Variants in CCDC50 observed in about 807,000 individuals in gnomAD.
CCDC50 encodes coiled-coil domain containing 50, also known as coiled-coil domain-containing protein 50.
CCDC50 carries 54 observed loss-of-function variants against 70.2 expected under a neutral mutation model. The observed-to-expected ratio is 0.77, with a 90% CI of 0.62 to 0.96. The LOEUF (loss-of-function observed/expected upper bound fraction) is 0.96, where lower values mean the gene tolerates loss of function less well. CCDC50 is among the 50% of genes least tolerant of loss of function. The probability of loss-of-function intolerance (pLI) is 0.00; values close to 1 mark genes in which losing one functional copy is unlikely to be tolerated. For missense variants in CCDC50, 558 were observed against 578.7 expected, an observed-to-expected ratio of 0.96 and a Z score of 0.37; for synonymous variants, 216 against 198.8, an observed-to-expected ratio of 1.09 and a Z score of -0.73.
chr3:191,386,216 ATT>A (rs76983981), intron 10 of CCDC50, among the ~76,000 whole-genome samples: 1 of 125,736 alleles, frequency 8.0e-6, no homozygotes, highest in Non-Finnish European at 1.6e-5. Context: ...TAGTATGGGC[ATT>A]TTTTTTTTTT....
At position 191,376,694 on chromosome 3, in the gene CCDC50, G is replaced by T. The variant is rs552011835; in HGVS notation, c.976+1105G>T. ...ATCCTTGTCTTAGGCTTTGTGCTTG[G>T]ATTTCAGCCAGAAAGATGGCTTTGT... On this transcript the variant is annotated intron_variant, in intron 6 of 11. Transcript: ENST00000392455. Among the ~76,000 whole-genome samples the T allele has an allele frequency of 4.6e-5, 7 of 152,254 alleles. No individual in the cohort carries two copies. In the East Asian group the frequency reaches 1.3e-3, roughly 29 times the overall value.
intron 1 of CCDC50, among the ~76,000 whole-genome samples, chr3:191,338,179 C>G (rs1250409185): frequency 6.6e-6 from 1 of 152,158 alleles, no homozygotes; most frequent in African/African-American, 2.4e-5. Flanking sequence ...GCAACAAATT[C>G]TGTTTTGTTT....
intron 1 of CCDC50, among the ~76,000 whole-genome samples, chr3:191,346,402 C>T (rs1465789812): frequency 1.3e-5 from 2 of 152,088 alleles, no homozygotes; most frequent in Non-Finnish European, 2.9e-5. Context: ...GATGTTTATT[C>T]TTTCTGGTAC....
Position 191,361,059 on chromosome 3 carries a change from T to C in CCDC50, c.240-10T>C. The stretch of plus-strand genomic sequence containing the variant: ...TTTTCCTTATTCATGTTTTCACCTT[T>C]GCTTTTTAGTGAACAACAAGACTGT... On this transcript the variant is annotated splice_polypyrimidine_tract_variant and intron_variant, in intron 3 of 11. Transcript: ENST00000392455. 2 of 1,602,106 alleles carry C rather than the reference T, an allele frequency of 1.2e-6. No homozygotes were observed. Among genetic ancestry groups the C allele is most frequent in the Non-Finnish European group, 1.7e-6 (2 of 1,169,134 alleles).
At chr3:191,361,244 A>C in intron 4 of CCDC50, 85 bp downstream of exon 4, 6 of 926,232 alleles carry the variant, frequency 6.5e-6, no homozygotes, top group Non-Finnish European at 1.1e-5. Context: ...TCACGGGCTC[A>C]ATGAAGGGTT....
intron 10 of CCDC50, among the ~76,000 whole-genome samples, chr3:191,385,691 TA>T (rs372678084): frequency 0.42 from 63,649 of 151,510 alleles, 14,987 homozygotes; most frequent in Non-Finnish European, 0.53. Context: ...TATATTTGTT[TA>T]TTTGTTTTGG....
chr3:191,393,094 C>T lies in CCDC50; in HGVS notation c.*1334C>T, dbSNP rs1301614646. The T allele has an allele frequency of 6.6e-6, 1 of 152,146 alleles. No homozygotes were observed. Among genetic ancestry groups the T allele is most frequent in the Admixed American group, 6.5e-5 (1 of 15,276 alleles). The allele number at this position is 152,146 out of a possible 1,614,324, so 9.4% of individuals were successfully genotyped here. A position where few individuals can be genotyped will look rare whatever the true frequency, so the allele number is the denominator to read the frequency against. On this transcript the variant is annotated 3_prime_UTR_variant, in exon 12 of 12. Transcript: ENST00000392455. ...CCTTTGTGCAAGGGATTGTATTCCTCTGTACAAGACCTTTAAGCACCTCTT... is the reference window on the plus strand; with the variant it reads ...CCTTTGTGCAAGGGATTGTATTCCTTTGTACAAGACCTTTAAGCACCTCTT...
At chr3:191,355,217 T>C (rs543734339) in intron 1 of CCDC50, among the ~76,000 whole-genome samples, 3 of 152,216 alleles carry the variant, frequency 2.0e-5, no homozygotes, top group Non-Finnish European at 2.9e-5. Context: ...TGACTTTTAA[T>C]ATATAAGCAC....
Position 191,351,754 on chromosome 3 carries a change from A to G in CCDC50, c.50-5334A>G, listed in dbSNP as rs1186896767. ...CTTTGGTACATTTCAGGTAAGTTGT[A>G]TACCAGGAAGCCTATGTAAAAAAAG... is the stretch of plus-strand genomic sequence containing the variant. On this transcript the variant is annotated intron_variant, in intron 1 of 11. Transcript: ENST00000392455. Among the ~76,000 whole-genome samples, 5 of 141,186 alleles carry G rather than the reference A, an allele frequency of 3.5e-5. 2 individuals carry two copies. Among genetic ancestry groups the G allele is most frequent in the Non-Finnish European group, 8.0e-5 (5 of 62,656 alleles). The allele number at this position is 141,186 out of a possible 152,430, so 92.6% of individuals were successfully genotyped here. A position where few individuals can be genotyped will look rare whatever the true frequency, so the allele number is the denominator to read the frequency against.
At chr3:191,375,655 A>G (rs1395327708) in intron 6 of CCDC50, 66 bp downstream of exon 6, 2 of 1,523,498 alleles carry the variant, frequency 1.3e-6, no homozygotes, top group Non-Finnish European at 1.8e-6. Flanking sequence ...AATGAATTTA[A>G]TAAGTACCTT....
In CCDC50 at chr3:191,396,720, G is replaced by T. The variant is rs537253031; in HGVS notation, c.*4960G>T. On this transcript the variant is annotated 3_prime_UTR_variant, in exon 12 of 12. Coordinates refer to ENST00000392455, the MANE Select transcript of CCDC50 (RefSeq NM_178335.3). The stretch of plus-strand genomic sequence containing the variant: ...GAAATGGGAGGTTTGCTAATGTGAA[G>T]AGTGTTTCTGTTTTATTACTTATAA... 1 of 152,338 alleles carries T rather than the reference G, an allele frequency of 6.6e-6. No homozygotes were observed. Among genetic ancestry groups the T allele is most frequent in the African/African-American group, 2.4e-5 (1 of 41,592 alleles). 9.4% of individuals were successfully genotyped at this position (152,338 alleles called of 1,614,324 possible).
intron 1 of CCDC50, among the ~76,000 whole-genome samples, chr3:191,336,630 T>C (rs183850187): frequency 1.3e-5 from 2 of 152,330 alleles, no homozygotes; most frequent in East Asian, 1.9e-4. Flanking sequence ...ATCAGAATGA[T>C]ATGGGGATCC....
At chr3:191,372,598 T>C (rs1255977871) in intron 5 of CCDC50, among the ~76,000 whole-genome samples, 1 of 152,184 alleles carries the variant, frequency 6.6e-6, no homozygotes, top group Non-Finnish European at 1.5e-5. Context: ...AATCACAGTA[T>C]ATCATTACAG....
At chr3:191,356,508 G>C (rs559085924) in intron 1 of CCDC50, among the ~76,000 whole-genome samples, 1 of 152,280 alleles carries the variant, frequency 6.6e-6, no homozygotes, top group East Asian at 1.9e-4. Context: ...ATGTCCCTGG[G>C]GATTGACCCA....
Position 191,376,538 on chromosome 3 carries a change from A to G in CCDC50, c.976+949A>G, listed in dbSNP as rs535715010. Among the ~76,000 whole-genome samples, 7 of 152,278 alleles carry G rather than the reference A, an allele frequency of 4.6e-5. No homozygotes were observed. In the East Asian group the frequency reaches 1.2e-3, roughly 25 times the overall value. On this transcript the variant is annotated intron_variant, in intron 6 of 11. Coordinates refer to ENST00000392455, the MANE Select transcript of CCDC50 (RefSeq NM_178335.3). The stretch of plus-strand genomic sequence containing the variant: ...CCAGTCAAGCTCTATCTGTGGTCAG[A>G]GAACTTGTTTCTAGGTTGCGGATTC...
chr3:191,383,677 T>C (rs952699328), intron 10 of CCDC50, among the ~76,000 whole-genome samples: 1 of 152,206 alleles, frequency 6.6e-6, no homozygotes, highest in Non-Finnish European at 1.5e-5. Flanking sequence ...TGAATGTATT[T>C]AGTGTCCTTA....
At chr3:191,369,344 T>C (rs1388577157) in intron 4 of CCDC50, among the ~76,000 whole-genome samples, 4 of 152,108 alleles carry the variant, frequency 2.6e-5, no homozygotes, top group Admixed American at 6.6e-5. Context: ...ATGATAATCT[T>C]TTAGGAAACA....
At chr3:191,388,576 G>A (rs890567981) in intron 10 of CCDC50, among the ~76,000 whole-genome samples, 39 of 152,146 alleles carry the variant, frequency 2.6e-4, no homozygotes, top group African/African-American at 9.2e-4. Flanking sequence ...AATACCCAGG[G>A]AAAGATTTAT....
intron 1 of CCDC50, among the ~76,000 whole-genome samples, chr3:191,347,451 T>TG (rs1358329114): frequency 7.1e-6 from 1 of 141,686 alleles, no homozygotes; most frequent in Non-Finnish European, 1.6e-5. Context: ...GCCACATAAA[T>TG]CCTAAGCACC....
Sources: gnomAD v4.1 joint callset for allele counts (sites outside exome capture counted in the v4.1 genomes callset) on GRCh38, gnomAD v4.1.1 for gene constraint, MANE v1.5 for transcripts, NCBI Gene and HGNC (gene_info 2026-07-23, HGNC 2026-07-21) for gene names.